CACNA2D1: variants seen among roughly 807,000 people sequenced by gnomAD.
CACNA2D1 encodes the protein voltage-dependent calcium channel subunit alpha-2/delta-1.
CACNA2D1 carries 53 observed loss-of-function variants against 171.5 expected under a neutral mutation model. The ratio of observed to expected loss-of-function variants is 0.31; its 90% confidence interval spans 0.25 to 0.39. The LOEUF (loss-of-function observed/expected upper bound fraction) is 0.39, where lower values mean the gene tolerates loss of function less well. CACNA2D1 is among the 10% of genes least tolerant of loss of function. The probability of loss-of-function intolerance (pLI) is 1.00; values close to 1 mark genes in which losing one functional copy is unlikely to be tolerated. For synonymous variants in CACNA2D1, 442 were observed against 443.1 expected, an observed-to-expected ratio of 1.00 and a Z score of 0.03; for missense variants, 903 against 1,299.8, an observed-to-expected ratio of 0.69 and a Z score of 4.69.
intron 1 of CACNA2D1, among the ~76,000 whole-genome samples, chr7:82,439,509 T>G (rs1026322130): frequency 1.3e-5 from 2 of 151,786 alleles, no homozygotes; most frequent in Non-Finnish European, 2.9e-5. Context: ...ATTAAATTAA[T>G]GAAAGCCATG....
intron 4 of CACNA2D1, among the ~76,000 whole-genome samples, chr7:82,146,161 T>C (rs1295249806): frequency 6.6e-6 from 1 of 151,550 alleles, no homozygotes. Flanking sequence ...TTTACTATGT[T>C]TAATAACCTA....
At chr7:82,325,695 T>G (rs42049) in intron 3 of CACNA2D1, among the ~76,000 whole-genome samples, 1 of 152,018 alleles carries the variant, frequency 6.6e-6, no homozygotes, top group Non-Finnish European at 1.5e-5. Context: ...TTCAGCTATG[T>G]ACTGTAAAGA....
intron 3 of CACNA2D1, among the ~76,000 whole-genome samples, chr7:82,177,539 A>G (rs1157004177): frequency 6.6e-6 from 1 of 152,120 alleles, no homozygotes; most frequent in East Asian, 1.9e-4. Context: ...AAGGTTTTGG[A>G]AAGTTAAGAT....
intron 1 of CACNA2D1, among the ~76,000 whole-genome samples, chr7:82,402,739 G>C (rs1270412925): frequency 5.2e-5 from 7 of 134,390 alleles, no homozygotes; most frequent in Non-Finnish European, 1.6e-5. Flanking sequence ...AAAAGAAGAA[G>C]AAGTAAAATA....
chr7:81,948,980 C>T lies in CACNA2D1; in HGVS notation c.*1412G>A, dbSNP rs1048503257. The T allele has an allele frequency of 6.6e-6, 1 of 151,944 alleles. No individual in the cohort carries two copies. Among genetic ancestry groups the T allele is most frequent in the African/African-American group, 2.4e-5 (1 of 41,418 alleles). The allele number at this position is 151,944 out of a possible 1,614,324, so 9.4% of individuals were successfully genotyped here. A position where few individuals can be genotyped will look rare whatever the true frequency, so the allele number is the denominator to read the frequency against. On this transcript the variant is annotated 3_prime_UTR_variant, in exon 39 of 39. Transcript: ENST00000356860. The stretch of plus-strand genomic sequence containing the variant: ...TCACAATCAAGTATTCATGTGCATA[C>T]ATAGAGATTCAAGGTTTCCTATTTG...
At chr7:82,355,961 A>G (rs1015655366) in intron 1 of CACNA2D1, among the ~76,000 whole-genome samples, 4 of 151,874 alleles carry the variant, frequency 2.6e-5, no homozygotes, top group Admixed American at 2.0e-4. Context: ...CCCCCTCCCC[A>G]TACTATAAAC....
At chr7:82,405,738 A>C (rs1255431192) in intron 1 of CACNA2D1, among the ~76,000 whole-genome samples, 1 of 152,176 alleles carries the variant, frequency 6.6e-6, no homozygotes, top group Non-Finnish European at 1.5e-5. Context: ...TCTCCAACCC[A>C]TCATCAAAGT....
intron 24 of CACNA2D1, among the ~76,000 whole-genome samples, chr7:81,978,770 T>TATATAC (rs772536703): frequency 2.3e-3 from 327 of 144,004 alleles, no homozygotes; most frequent in African/African-American, 5.1e-3. Flanking sequence ...TATATATATA[T>TATATAC]ACACACACAC....
chr7:82,093,845 T>C (rs1416776271), intron 6 of CACNA2D1, among the ~76,000 whole-genome samples: 1 of 152,152 alleles, frequency 6.6e-6, no homozygotes, highest in Non-Finnish European at 1.5e-5. Flanking sequence ...CTCCTGTTAA[T>C]GCTGAGAAGA....
At chr7:82,061,121 A>G (rs900962492) in intron 9 of CACNA2D1, among the ~76,000 whole-genome samples, 3 of 152,182 alleles carry the variant, frequency 2.0e-5, no homozygotes, top group African/African-American at 7.2e-5. Context: ...TCTAGCTCCC[A>G]ACACTTTCCT....
chr7:82,371,667 C>T (rs1822432825), intron 1 of CACNA2D1, among the ~76,000 whole-genome samples: 3 of 152,066 alleles, frequency 2.0e-5, no homozygotes, highest in South Asian at 2.1e-4. Context: ...TGTAACCTCC[C>T]GGACTCAAGC....
intron 12 of CACNA2D1, chr7:82,020,726 T>C (rs1801086413): frequency 6.6e-6 from 1 of 152,060 alleles, no homozygotes; most frequent in African/African-American, 2.4e-5. Flanking sequence ...CAAACTCTAA[T>C]GAAAAAGGGT....
At chr7:82,309,569 G>A (rs777112828) in intron 3 of CACNA2D1, among the ~76,000 whole-genome samples, 17 of 152,124 alleles carry the variant, frequency 1.1e-4, no homozygotes, top group Non-Finnish European at 1.9e-4. Context: ...TTTTATGCTT[G>A]TTTAATTTCT....
intron 3 of CACNA2D1, among the ~76,000 whole-genome samples, chr7:82,198,279 G>A (rs1262851307): frequency 6.6e-6 from 1 of 152,210 alleles, no homozygotes; most frequent in East Asian, 1.9e-4. Flanking sequence ...GGAGGAATAA[G>A]TTACTGGAGC....
intron 3 of CACNA2D1, among the ~76,000 whole-genome samples, chr7:82,296,987 C>A (rs1482738697): frequency 1.4e-5 from 2 of 144,432 alleles, no homozygotes; most frequent in Middle Eastern, 3.7e-3. Flanking sequence ...GTAATCTCAG[C>A]ATTATGGGAG....
intron 16 of CACNA2D1, 75 bp from the exon 17 acceptor site, chr7:82,005,914 C>T: frequency 2.3e-6 from 2 of 877,516 alleles, no homozygotes; most frequent in South Asian, 2.6e-5. Flanking sequence ...ATATGATCAT[C>T]TTTTGCTTGC....
At chr7:82,410,433 C>A in intron 1 of CACNA2D1, 6 of 769,508 alleles carry the variant, frequency 7.8e-6, no homozygotes, top group Non-Finnish European at 7.9e-6. Context: ...TATCCAACAT[C>A]TTTCATTCTG....
At chr7:82,165,446 C>G (rs1213644088) in intron 4 of CACNA2D1, among the ~76,000 whole-genome samples, 3 of 151,918 alleles carry the variant, frequency 2.0e-5, no homozygotes, top group African/African-American at 7.3e-5. Flanking sequence ...GTGTTTTTGA[C>G]TAGGTAATTA....
At chr7:82,295,778 T>C (rs1180175280) in intron 3 of CACNA2D1, among the ~76,000 whole-genome samples, 5 of 152,122 alleles carry the variant, frequency 3.3e-5, no homozygotes, top group African/African-American at 9.6e-5. Flanking sequence ...CAAAGGACTA[T>C]AAATCATGCT....
Sources: allele counts gnomAD v4.1 joint callset (sites outside exome capture counted in the v4.1 genomes callset), GRCh38; gene constraint gnomAD v4.1.1; transcripts MANE v1.5; gene names NCBI Gene and HGNC (gene_info 2026-07-23, HGNC 2026-07-21).